FCHSD2: variants seen among roughly 807,000 people sequenced by gnomAD.
FCHSD2 encodes the protein F-BAR and double SH3 domains protein 2.
Under a neutral mutation model 108.1 loss-of-function variants are expected in FCHSD2, and 38 were observed. The observed-to-expected ratio is 0.35, with a 90% CI of 0.27 to 0.46. The LOEUF is 0.46. Among genes scored for constraint, FCHSD2 ranks in the 20% least tolerant of loss-of-function variants. The pLI is 1.00. For synonymous variants in FCHSD2, 279 were observed against 314.7 expected (o/e 0.89, Z 1.20); for missense variants, 751 against 897.8 (o/e 0.84, Z 2.09).
At position 72,842,875 on chromosome 11, in the gene FCHSD2, T is replaced by A. The variant is rs1462370130; in HGVS notation, c.1706-34A>T. 7 of 1,564,234 alleles carry A rather than the reference T, an allele frequency of 4.5e-6. No individual in the cohort carries two copies. The East Asian group carries it at 1.6e-4, about 35-fold the overall frequency. On this transcript the variant is annotated intron_variant, in intron 16 of 19. Transcript: ENST00000409418. ...CAAGAGAAAAACAAATCTGGTAAGA[T>A]AATTAACAGCCGGTTGCTTTTGCAA...
intron 2 of FCHSD2, among the ~76,000 whole-genome samples, chr11:73,136,087 G>A (rs1861113754): frequency 6.6e-6 from 1 of 151,350 alleles, no homozygotes; most frequent in Non-Finnish European, 1.5e-5. Flanking sequence ...CTGAACCCAG[G>A]AGGACAAGGA....
At chr11:73,010,625 G>A (rs967106407) in intron 4 of FCHSD2, among the ~76,000 whole-genome samples, 7 of 152,202 alleles carry the variant, frequency 4.6e-5, no homozygotes, top group African/African-American at 1.4e-4. Context: ...GCAGTGGTAC[G>A]GTATCTGTAC....
chr11:72,963,142 T>C (rs930553396), intron 8 of FCHSD2, among the ~76,000 whole-genome samples: 8 of 152,176 alleles, frequency 5.3e-5, no homozygotes, highest in African/African-American at 1.9e-4. Context: ...CGTGTGTTTT[T>C]AAAAAAATAT....
chr11:72,890,659 G>A (rs189685855), intron 10 of FCHSD2, among the ~76,000 whole-genome samples: 1 of 151,916 alleles, frequency 6.6e-6, no homozygotes, highest in East Asian at 1.9e-4. Flanking sequence ...ACTATGGAAA[G>A]TGCTTCATAT....
At chr11:72,971,313 G>T (rs1045179051) in intron 8 of FCHSD2, among the ~76,000 whole-genome samples, 6 of 152,176 alleles carry the variant, frequency 3.9e-5, no homozygotes, top group Non-Finnish European at 8.8e-5. Context: ...GAAGACTGCT[G>T]AAGTAGACAG....
At chr11:73,088,595 G>GA (rs749715322) in intron 2 of FCHSD2, among the ~76,000 whole-genome samples, 22 of 151,100 alleles carry the variant, frequency 1.5e-4, no homozygotes, top group Non-Finnish European at 3.1e-4. Flanking sequence ...TATAATGTTT[G>GA]AAAAAAAAGT....
intron 8 of FCHSD2, among the ~76,000 whole-genome samples, chr11:72,950,387 T>C (rs547314712): frequency 3.9e-5 from 6 of 152,180 alleles, no homozygotes; most frequent in Non-Finnish European, 8.8e-5. Context: ...TTTGGTGATA[T>C]CTGAGAAACT....
intron 6 of FCHSD2, among the ~76,000 whole-genome samples, chr11:72,986,968 T>C (rs1726170641): frequency 6.6e-6 from 1 of 152,182 alleles, no homozygotes; most frequent in African/African-American, 2.4e-5. Flanking sequence ...TACCATCTGA[T>C]AGGCAACTGA....
chr11:73,082,669 A>C (rs1859724115), intron 3 of FCHSD2, among the ~76,000 whole-genome samples: 1 of 152,176 alleles, frequency 6.6e-6, no homozygotes. Context: ...AGTGGTTACC[A>C]TGTAGAAAAT....
chr11:72,854,174 T>G (rs937381185), intron 13 of FCHSD2, among the ~76,000 whole-genome samples: 8 of 152,232 alleles, frequency 5.3e-5, no homozygotes, highest in African/African-American at 1.9e-4. Context: ...GTAACATGTT[T>G]CTTCAATAAA....
chr11:72,879,914 G>A (rs1233160088), intron 12 of FCHSD2, among the ~76,000 whole-genome samples: 1 of 150,460 alleles, frequency 6.6e-6, no homozygotes, highest in Non-Finnish European at 1.5e-5. Flanking sequence ...CCGAACAATC[G>A]GTTGAACCCA....
In FCHSD2 at chr11:72,974,749, T is replaced by A. The variant is rs550872274; in HGVS notation, c.705+9339A>T. Among the ~76,000 whole-genome samples the A allele has an allele frequency of 5.3e-5, 8 of 151,868 alleles. No homozygotes were observed. In the South Asian group the frequency reaches 1.7e-3, roughly 32 times the overall value. ...GGCAGGCTGCAGACAGATTTGAGAATCATATGGTATTTATGGGAACTGAGT... is the reference window on the plus strand; with the variant it reads ...GGCAGGCTGCAGACAGATTTGAGAAACATATGGTATTTATGGGAACTGAGT... On this transcript the variant is annotated intron_variant, in intron 8 of 19. Transcript: ENST00000409418.
At chr11:72,991,132 G>T (rs566128530) in intron 5 of FCHSD2, among the ~76,000 whole-genome samples, 1 of 152,078 alleles carries the variant, frequency 6.6e-6, no homozygotes, top group African/African-American at 2.4e-5. Context: ...TAAATTCCTC[G>T]ACACATACAC....
At chr11:72,870,568 C>T (rs1404756411) in intron 12 of FCHSD2, among the ~76,000 whole-genome samples, 4 of 152,028 alleles carry the variant, frequency 2.6e-5, no homozygotes, top group Non-Finnish European at 5.9e-5. Context: ...AAGAACTTCT[C>T]TCTAACAATT....
chr11:73,002,317 T>C (rs1857642079), intron 4 of FCHSD2, among the ~76,000 whole-genome samples: 1 of 152,248 alleles, frequency 6.6e-6, no homozygotes, highest in Non-Finnish European at 1.5e-5. Context: ...ATAGTCATTA[T>C]TTAGGCAGAG....
At chr11:72,975,037 A>G (rs1857079038) in intron 8 of FCHSD2, among the ~76,000 whole-genome samples, 1 of 152,186 alleles carries the variant, frequency 6.6e-6, no homozygotes, top group Admixed American at 6.5e-5. Context: ...GATTTTTGGA[A>G]TTAATGCTTA....
intron 2 of FCHSD2, among the ~76,000 whole-genome samples, chr11:73,119,425 C>T (rs1860681115): frequency 6.6e-6 from 1 of 151,970 alleles, no homozygotes; most frequent in African/African-American, 2.4e-5. Flanking sequence ...CTTAATATAT[C>T]CACTTCAGAG....
chr11:73,007,763 A>T (rs899846143), intron 4 of FCHSD2, among the ~76,000 whole-genome samples: 2 of 152,170 alleles, frequency 1.3e-5, no homozygotes, highest in African/African-American at 4.8e-5. Flanking sequence ...ACATACACAC[A>T]AATGAATGTG....
intron 2 of FCHSD2, among the ~76,000 whole-genome samples, chr11:73,131,659 G>T (rs550985909): frequency 3.3e-5 from 5 of 150,282 alleles, no homozygotes; most frequent in Admixed American, 3.3e-4. Context: ...AGCCAAGATC[G>T]CACCACTGCA....
Sources: gnomAD v4.1 joint callset for allele counts (sites outside exome capture counted in the v4.1 genomes callset) on GRCh38, gnomAD v4.1.1 for gene constraint, MANE v1.5 for transcripts, NCBI Gene and HGNC (gene_info 2026-07-23, HGNC 2026-07-21) for gene names.